CALCB: variants seen among roughly 807,000 people sequenced by gnomAD.
The protein encoded by CALCB is calcitonin related polypeptide beta, also known as calcitonin gene-related peptide 2.
A neutral mutation model predicts 10.7 loss-of-function variants in CALCB; 8 were observed. That is an observed-to-expected ratio of 0.75 (90% CI 0.44 to 1.34). The LOEUF (loss-of-function observed/expected upper bound fraction) is 1.34. Ranked by LOEUF, CALCB falls within the 40% of genes most tolerant of loss-of-function variation. The pLI is 0.01. For missense variants in CALCB, 176 were observed against 162.5 expected (o/e 1.08, Z -0.45); for synonymous variants, 76 against 66.9 (o/e 1.14, Z -0.66).
rs139794988 is a variant in CALCB, at chr11:15,074,778, G to A, written c.60G>A (p.Ala20=). 1.3e-5 allele frequency: 21 copies of A among 1,613,832 alleles called. No individual in the cohort carries two copies. Among genetic ancestry groups the A allele is most frequent in the Non-Finnish European group, 1.7e-5 (20 of 1,179,962 alleles). Residue 20 remains alanine (A), a synonymous_variant, in exon 2 of 5, where the codon GCG becomes GCA. Coordinates refer to ENST00000324229, the MANE Select transcript of CALCB (RefSeq NM_000728.4). ...LALSILVLYQ[A]GSLQAAPFRS... ...TCAGTATCTTGGTCCTGTACCAGGC[G>A]GGCAGCCTCCAGGCGGCGCCATTCA...
chr11:15,075,324 T>G (rs1228090273), intron 3 of CALCB, 126 bp downstream of exon 3: 54 of 1,517,462 alleles, frequency 3.6e-5, no homozygotes, highest in Non-Finnish European at 4.4e-5. Context: ...TCCAGCAGGC[T>G]CCCTTTCTCA....
chr11:15,074,671 C>T (rs1850377059), intron 1 of CALCB, 39 bp from the exon 2 acceptor site: 1 of 1,501,796 alleles, frequency 6.7e-7, no homozygotes, highest in Non-Finnish European at 9.2e-7. Context: ...GAACCTAGAT[C>T]TGTGCTGGTG....
At chr11:15,077,592 TG>T in intron 4 of CALCB, 122 bp downstream of exon 4, 1 of 937,836 alleles carries the variant, frequency 1.1e-6, no homozygotes. Context: ...TTGTTCCTCC[TG>T]AGGCAGTGAG....
At position 15,077,329 on chromosome 11, in the gene CALCB, A is replaced by C. The variant is rs765103247; in HGVS notation, c.268A>C (p.Thr90Pro). The change falls in exon 4 of 5, where the codon ACT becomes CCT. Residue 90 changes from threonine (T) to proline (P), a missense_variant. By Grantham distance (38) the Thr-to-Pro change is conservative. Coordinates refer to ENST00000324229, the MANE Select transcript of CALCB (RefSeq NM_000728.4). ...AGCCTGCAACACTGCCACCTGTGTG[A>C]CTCATCGGCTGGCAGGCTTGCTGAG... ...KRACNTATCV[T>P]HRLAGLLSRS... is the part of the protein sequence containing the mutation. 16 of 1,614,174 alleles carry C rather than the reference A, an allele frequency of 9.9e-6. No individual in the cohort carries two copies. In the South Asian group the frequency reaches 1.8e-4, roughly 18 times the overall value.
At chr11:15,074,848 C>T (rs774965950) in intron 2 of CALCB, 44 bp downstream of exon 2, 5 of 1,544,716 alleles carry the variant, frequency 3.2e-6, no homozygotes, top group Admixed American at 3.5e-5. Context: ...TCCCACTGCC[C>T]CTAGGACCAG....
intron 1 of CALCB, 82 bp from the exon 2 acceptor site, chr11:15,074,628 G>T (rs1850376786): frequency 5.7e-6 from 6 of 1,061,206 alleles, no homozygotes; most frequent in Non-Finnish European, 8.5e-6. Flanking sequence ...ACGTGCCTAA[G>T]GTCACATGGC....
intron 4 of CALCB, 92 bp downstream of exon 4, chr11:15,077,562 G>A (rs754321387): frequency 2.3e-6 from 3 of 1,294,050 alleles, no homozygotes; most frequent in Non-Finnish European, 2.1e-6. Context: ...GGTTCTTTAG[G>A]TTCCTTCTGT....
intron 3 of CALCB, among the ~76,000 whole-genome samples, chr11:15,075,619 G>C (rs917723372): frequency 6.6e-6 from 1 of 152,194 alleles, no homozygotes; most frequent in Non-Finnish European, 1.5e-5. Flanking sequence ...GAAAGTTTTA[G>C]AAATTTCACA....
Position 15,074,820 on chromosome 11 carries a change from G to T in CALCB, c.86+16G>T. ...CGCCATTCAGGTGAGACAGCCTGGA[G>T]CCAGAGGCGCCTTCTGCTCCCACTG... is the stretch of plus-strand genomic sequence containing the variant. On this transcript the variant is annotated intron_variant, in intron 2 of 4. Coordinates refer to ENST00000324229, the MANE Select transcript of CALCB (RefSeq NM_000728.4). The T allele has an allele frequency of 6.2e-7, 1 of 1,605,764 alleles. No homozygotes were observed. Among genetic ancestry groups the T allele is most frequent in the East Asian group, 2.2e-5 (1 of 44,840 alleles).
In CALCB at chr11:15,077,484, T is replaced by C. The variant is rs749252226; in HGVS notation, c.*25+14T>C. On this transcript the variant is annotated intron_variant, in intron 4 of 4. Transcript: ENST00000324229. ...TCCAGGAAGAAGGTAACTACCCTAA[T>C]GCTATGGGATAAGAGGGGGAAGGGA... is the stretch of plus-strand genomic sequence containing the variant. The C allele has an allele frequency of 3.1e-6, 5 of 1,611,352 alleles. No homozygotes were observed. The South Asian group carries it at 3.3e-5, about 11-fold the overall frequency.
At chr11:15,075,400 A>G (rs1850385047) in intron 3 of CALCB, among the ~76,000 whole-genome samples, 2 of 152,284 alleles carry the variant, frequency 1.3e-5, no homozygotes, top group Admixed American at 1.3e-4. Flanking sequence ...CACAATAAAA[A>G]GCTCCGTTTC....
At chr11:15,076,175 G>A (rs1277571904) in intron 3 of CALCB, among the ~76,000 whole-genome samples, 2 of 152,180 alleles carry the variant, frequency 1.3e-5, no homozygotes, top group African/African-American at 4.8e-5. Context: ...TGCAGCTTGA[G>A]CAGTCCTAGA....
At chr11:15,077,516 G>A (rs1222809800) in intron 4 of CALCB, 46 bp downstream of exon 4, 1 of 1,568,324 alleles carries the variant, frequency 6.4e-7, no homozygotes, top group Non-Finnish European at 8.7e-7. Context: ...GGGACTTGGA[G>A]TTAAAACCTA....
chr11:15,077,256 C>G, intron 3 of CALCB, 30 bp from the exon 4 acceptor site: 1 of 1,610,168 alleles, frequency 6.2e-7, no homozygotes, highest in Non-Finnish European at 8.5e-7. Flanking sequence ...ACTCACAGGT[C>G]TTCTCTTCTT....
At chr11:15,077,145 C>G in intron 3 of CALCB, 141 bp from the exon 4 acceptor site, 1 of 871,176 alleles carries the variant, frequency 1.1e-6, no homozygotes, top group Non-Finnish European at 1.8e-6. Context: ...GGCCATTTCC[C>G]CTAACAGCTT....
At chr11:15,074,679 G>A (rs1042750594) in intron 1 of CALCB, 31 bp from the exon 2 acceptor site, 2 of 1,539,466 alleles carry the variant, frequency 1.3e-6, no homozygotes, top group Non-Finnish European at 1.8e-6. Context: ...ATCTGTGCTG[G>A]TGCAGTAGTA....
chr11:15,075,861 C>G (rs1850389475), intron 3 of CALCB, among the ~76,000 whole-genome samples: 1 of 152,180 alleles, frequency 6.6e-6, no homozygotes, highest in Admixed American at 6.5e-5. Flanking sequence ...CCCTGGCCTG[C>G]TCCCAGCACT....
chr11:15,074,654 AG>A, intron 1 of CALCB, 55 bp from the exon 2 acceptor site: 1 of 1,367,452 alleles, frequency 7.3e-7, no homozygotes, highest in Non-Finnish European at 1.0e-6. Flanking sequence ...TGGCAGAGGC[AG>A]GACTGGAACC....
Position 15,075,048 on chromosome 11 carries a change from T to A in CALCB, c.87-13T>A, listed in dbSNP as rs574359738. 1 of 1,614,146 alleles carries A rather than the reference T, an allele frequency of 6.2e-7. No individual in the cohort carries two copies. The highest frequency in any genetic ancestry group is 1.3e-5 in the African/African-American group (1 of 75,054). On this transcript the variant is annotated splice_polypyrimidine_tract_variant and intron_variant, in intron 2 of 4. Coordinates refer to ENST00000324229, the MANE Select transcript of CALCB (RefSeq NM_000728.4). ...GGCTCACAGCCTGCAAGGAGTTTGC[T>A]TCCCTTCCACAGGTCTGCCCTGGAG...
Sources: gnomAD v4.1 joint callset for allele counts (sites outside exome capture counted in the v4.1 genomes callset) on GRCh38, gnomAD v4.1.1 for gene constraint, MANE v1.5 for transcripts, NCBI Gene and HGNC (gene_info 2026-07-23, HGNC 2026-07-21) for gene names.